The following GFOD1 variants were observed in gnomAD, a reference collection of about 807,000 sequenced individuals.
The protein encoded by GFOD1 is glucose-fructose oxidoreductase domain-containing protein 1.
A neutral mutation model predicts 25.4 loss-of-function variants in GFOD1; 9 were observed. The observed-to-expected ratio is 0.35, with a 90% confidence interval of 0.21 to 0.62. The LOEUF (loss-of-function observed/expected upper bound fraction) is 0.62, where lower values mean the gene tolerates loss of function less well. Among genes scored for constraint, GFOD1 ranks in the 20% least tolerant of loss-of-function variants. The probability of loss-of-function intolerance (pLI) is 0.72; values close to 1 mark genes in which losing one functional copy is unlikely to be tolerated. For missense variants in GFOD1, 403 were observed against 556.9 expected (o/e 0.72, Z 2.78); for synonymous variants, 253 against 245.6 (o/e 1.03, Z -0.28).
chr6:13,415,443 G>A (rs1786148142), intron 1 of GFOD1, among the ~76,000 whole-genome samples: 1 of 152,154 alleles, frequency 6.6e-6, no homozygotes, highest in Admixed American at 6.5e-5. Flanking sequence ...CACCCACCTT[G>A]CCTTGGCCTC....
At chr6:13,444,732 C>T (rs1159727121) in intron 1 of GFOD1, among the ~76,000 whole-genome samples, 1 of 152,016 alleles carries the variant, frequency 6.6e-6, no homozygotes, top group Non-Finnish European at 1.5e-5. Flanking sequence ...CATAATACTA[C>T]TGCACACTTA....
intron 1 of GFOD1, among the ~76,000 whole-genome samples, chr6:13,366,709 G>A (rs554647604): frequency 7.9e-5 from 12 of 151,776 alleles, no homozygotes; most frequent in South Asian, 6.3e-4. Context: ...TGTTCAGGCC[G>A]GTCTCGAATT....
chr6:13,485,786 G>T (rs1195253192), intron 1 of GFOD1, among the ~76,000 whole-genome samples: 2 of 152,176 alleles, frequency 1.3e-5, no homozygotes, highest in Non-Finnish European at 2.9e-5. Flanking sequence ...ATTAGGGAGG[G>T]CCTTTTCTCA....
Position 13,487,151 on chromosome 6 carries a change from AC to A in GFOD1, c.-262del, listed in dbSNP as rs1295277983. On this transcript the variant is annotated 5_prime_UTR_variant, in exon 1 of 2. An upstream open reading frame in the 5' UTR loses its in-frame stop. Coordinates refer to ENST00000379287, the MANE Select transcript of GFOD1 (RefSeq NM_018988.4). The surrounding 1 kb of genome is among the most constrained non-coding windows in gnomAD (Gnocchi z 4.9). ...GTCCTTCCCGGAGTCGGCGGCAGGG[AC>A]CCCCCCAGGGCGCCGGAGGCTTCGA... 5.3e-5 allele frequency: 23 copies of A among 434,392 alleles called. No individual in the cohort carries two copies. Among genetic ancestry groups the A allele is most frequent in the Middle Eastern group, 5.8e-4 (1 of 1,720 alleles). The allele number at this position is 434,392 out of a possible 1,614,324, so 26.9% of individuals were successfully genotyped here.
chr6:13,436,972 G>C (rs752355818), intron 1 of GFOD1, among the ~76,000 whole-genome samples: 4 of 152,214 alleles, frequency 2.6e-5, no homozygotes, highest in African/African-American at 7.2e-5. Context: ...CAAGCTGCTG[G>C]TCCAACGGCA....
intron 1 of GFOD1, among the ~76,000 whole-genome samples, chr6:13,386,261 A>G (rs1331528804): frequency 6.6e-6 from 1 of 152,054 alleles, no homozygotes; most frequent in Non-Finnish European, 1.5e-5. Flanking sequence ...CAGATCCTAA[A>G]GGATCATGAT....
intron 1 of GFOD1, among the ~76,000 whole-genome samples, chr6:13,457,244 T>C (rs541305287): frequency 6.6e-6 from 1 of 152,198 alleles, no homozygotes; most frequent in Non-Finnish European, 1.5e-5. Context: ...ACCTGGACTT[T>C]CTGAAATTTT....
intron 1 of GFOD1, among the ~76,000 whole-genome samples, chr6:13,379,213 A>G (rs1371080471): frequency 6.6e-6 from 1 of 152,180 alleles, no homozygotes; most frequent in African/African-American, 2.4e-5. Context: ...GAAAGGTAGT[A>G]GAGATGTGTG....
Position 13,409,132 on chromosome 6 carries a change from A to AGAAAG in GFOD1, c.254-43475_254-43471dup, listed in dbSNP as rs1554201868. Among the ~76,000 whole-genome samples, 60 of 44,096 alleles carry AGAAAG rather than the reference A, an allele frequency of 1.4e-3. 13 individuals carry two copies. Among genetic ancestry groups the AGAAAG allele is most frequent in the Admixed American group, 1.2e-3 (3 of 2,550 alleles). The allele number at this position is 44,096 out of a possible 152,430, so 28.9% of individuals were successfully genotyped here. On this transcript the variant is annotated intron_variant, in intron 1 of 1. Transcript: ENST00000379287. ...AAGAAAGAAAGAAAGAAAGAAAGAA[A>AGAAAG]GAAAGAAAGAAAGAAAGAGAGGAAA...
intron 1 of GFOD1, among the ~76,000 whole-genome samples, chr6:13,402,044 G>A (rs756589267): frequency 1.4e-4 from 21 of 152,254 alleles, no homozygotes; most frequent in Non-Finnish European, 2.2e-4. Flanking sequence ...TTTATCTTAC[G>A]ATCAACAGAG....
chr6:13,420,272 TAG>T (rs1253903295), intron 1 of GFOD1, among the ~76,000 whole-genome samples: 1 of 152,196 alleles, frequency 6.6e-6, no homozygotes, highest in Non-Finnish European at 1.5e-5. Context: ...AGCCCTGTTT[TAG>T]AGAGTGACAA....
intron 1 of GFOD1, among the ~76,000 whole-genome samples, chr6:13,456,823 G>C (rs2127574736): frequency 6.6e-6 from 1 of 152,284 alleles, no homozygotes; most frequent in East Asian, 1.9e-4. Flanking sequence ...TTCCTATTCA[G>C]ACAATCACAG....
chr6:13,374,878 G>T (rs1362036792), intron 1 of GFOD1, among the ~76,000 whole-genome samples: 1 of 151,856 alleles, frequency 6.6e-6, no homozygotes, highest in Non-Finnish European at 1.5e-5. Context: ...AAGTAGCTGG[G>T]ATTATAGGCA....
At position 13,487,114 on chromosome 6, in the gene GFOD1, C is replaced by G. The variant is rs1219054858; in HGVS notation, c.-224G>C. 1 of 495,946 alleles carries G rather than the reference C, an allele frequency of 2.0e-6. No homozygotes were observed. The highest frequency in any genetic ancestry group is 3.5e-6 in the Non-Finnish European group (1 of 287,732). 30.7% of individuals were successfully genotyped at this position (495,946 alleles called of 1,614,324 possible). ...ACGGTGACTGCGGCAGTGTCCGCCA[C>G]GCGGGGCTCGCGTCCTTCCCGGAGT... On this transcript the variant is annotated 5_prime_UTR_variant, in exon 1 of 2. Transcript: ENST00000379287. The surrounding 1 kb of genome is among the most constrained non-coding windows in gnomAD (Gnocchi z 4.9).
chr6:13,469,389 G>T, intron 1 of GFOD1: 1 of 984,762 alleles, frequency 1.0e-6, no homozygotes. Context: ...CATCCTGTGG[G>T]ATACATGCAG....
intron 1 of GFOD1, among the ~76,000 whole-genome samples, chr6:13,456,350 T>C (rs766661486): frequency 2.6e-5 from 4 of 152,174 alleles, no homozygotes; most frequent in South Asian, 2.1e-4. Context: ...GACTTTTGTA[T>C]TTTTTGCAGA....
intron 1 of GFOD1, among the ~76,000 whole-genome samples, chr6:13,387,282 C>T (rs115342294): frequency 0.011 from 1,652 of 152,240 alleles, 39 homozygotes; most frequent in African/African-American, 0.038. Context: ...AATGTCGGAT[C>T]CTGATACCAA....
At chr6:13,439,032 TTTCA>T (rs564941103) in intron 1 of GFOD1, among the ~76,000 whole-genome samples, 144,991 of 152,112 alleles carry the variant, frequency 0.95, 69,498 homozygotes, top group Middle Eastern at 1. Flanking sequence ...ATTTGCATTA[TTTCA>T]TGTCTAGAAA....
chr6:13,389,413 C>T (rs1029223472), intron 1 of GFOD1, among the ~76,000 whole-genome samples: 1 of 152,182 alleles, frequency 6.6e-6, no homozygotes, highest in Non-Finnish European at 1.5e-5. Context: ...CACATATACA[C>T]CATGGAATGC....
Sources: allele counts gnomAD v4.1 joint callset (sites outside exome capture counted in the v4.1 genomes callset), GRCh38; gene constraint gnomAD v4.1.1; non-coding constraint Gnocchi (gnomAD v3.1); transcripts MANE v1.5; gene names NCBI Gene and HGNC (gene_info 2026-07-23, HGNC 2026-07-21).